Variants in P2RY10 observed in about 807,000 individuals in gnomAD.
The protein encoded by P2RY10 is putative P2Y purinoceptor 10.
In P2RY10, 4 loss-of-function variants were observed where a neutral mutation model predicts 12.1. The observed-to-expected ratio is 0.33, with a 90% confidence interval of 0.16 to 0.76. The LOEUF is 0.76. Ranked by LOEUF, P2RY10 falls within the 30% of genes least tolerant of loss-of-function variation. P2RY10 has a pLI of 0.61. For missense variants in P2RY10, 233 were observed against 264.6 expected (o/e 0.88, Z 0.83); for synonymous variants, 112 against 94.1 (o/e 1.19, Z -1.10).
chrX:78,956,858 C>T (rs183491216), intron 3 of P2RY10, among the ~76,000 whole-genome samples: 1 of 111,478 alleles, frequency 9.0e-6, no homozygotes, highest in African/African-American at 3.3e-5. Context: ...AGTGTTTAGC[C>T]TGTAAATAAA....
chrX:78,954,528 A>C (rs1349233986), intron 3 of P2RY10, among the ~76,000 whole-genome samples: 1 of 112,253 alleles, frequency 8.9e-6, no homozygotes, highest in Non-Finnish European at 1.9e-5. Flanking sequence ...CTGCTTATTA[A>C]AAAATTGACT....
rs1325764519 is a variant in P2RY10 at position 78,961,911 on chromosome X, A to G, written c.*371A>G. On this transcript the variant is annotated 3_prime_UTR_variant, in exon 4 of 4. Transcript: ENST00000171757. ...GAATTTTTCCTAGATGTAAAAAAAA[A>G]AATCTTTCATATAAAGACCTTAAAT... 6.6e-5 allele frequency: 9 copies of G among 135,879 alleles called. No homozygotes were observed. The highest frequency in any genetic ancestry group is 1.4e-4 in the Non-Finnish European group (9 of 62,200). 11.2% of individuals were successfully genotyped at this position (135,879 alleles called of 1,213,427 possible). A position where few individuals can be genotyped will look rare whatever the true frequency, so the allele number is the denominator to read the frequency against.
Position 78,962,819 on chromosome X carries a change from C to G in P2RY10, c.*1279C>G, listed in dbSNP as rs1165907965. On this transcript the variant is annotated 3_prime_UTR_variant, in exon 4 of 4. Transcript: ENST00000171757. ...GTGGAGTGATAAACATTCTATAAAA[C>G]CTGGAAATTTGTGTGGAGTTCGCCT... Among the ~76,000 whole-genome samples the G allele has an allele frequency of 9.0e-6, 1 of 110,513 alleles. No homozygotes were observed. Among genetic ancestry groups the G allele is most frequent in the Non-Finnish European group, 1.9e-5 (1 of 52,788 alleles).
chrX:78,952,043 G>T, intron 2 of P2RY10, 150 bp from the exon 3 acceptor site: 2 of 150,025 alleles, frequency 1.3e-5, no homozygotes, highest in Non-Finnish European at 2.3e-5. Flanking sequence ...GCATTAGATT[G>T]CTAAGGATAA....
chrX:78,957,557 T>C (rs1016225704), intron 3 of P2RY10, among the ~76,000 whole-genome samples: 1 of 111,185 alleles, frequency 9.0e-6, no homozygotes, highest in Non-Finnish European at 1.9e-5. Flanking sequence ...AAGCTAAGTG[T>C]TCCCTCTAAG....
At chrX:78,948,921 G>T (rs1375887117) in intron 2 of P2RY10, among the ~76,000 whole-genome samples, 1 of 111,824 alleles carries the variant, frequency 8.9e-6, no homozygotes, top group Non-Finnish European at 1.9e-5. Context: ...TAGTAGGATT[G>T]CTGTATCAAA....
At chrX:78,951,540 T>C (rs1229867803) in intron 2 of P2RY10, among the ~76,000 whole-genome samples, 1 of 111,055 alleles carries the variant, frequency 9.0e-6, no homozygotes, top group African/African-American at 3.3e-5. Context: ...TCAGTAGGTG[T>C]TCGAAGAAGA....
intron 2 of P2RY10, among the ~76,000 whole-genome samples, chrX:78,951,973 T>C (rs959127640): frequency 2.7e-5 from 3 of 111,777 alleles, no homozygotes; most frequent in Non-Finnish European, 5.6e-5. Context: ...TGTCCATGTG[T>C]TCCCATCATT....
chrX:78,945,846 G>A (rs145270136), intron 1 of P2RY10, among the ~76,000 whole-genome samples: 7,771 of 111,547 alleles, frequency 0.07, 197 homozygotes, highest in Middle Eastern at 0.18. Flanking sequence ...TGACATATTC[G>A]GCCAATAAAA....
chrX:78,951,321 A>G (rs1382750656), intron 2 of P2RY10, among the ~76,000 whole-genome samples: 1 of 112,316 alleles, frequency 8.9e-6, no homozygotes, highest in African/African-American at 3.2e-5. Context: ...TGCCTTCTTT[A>G]AAGCTCTTAG....
intron 2 of P2RY10, among the ~76,000 whole-genome samples, chrX:78,951,902 T>G (rs1358810736): frequency 9.0e-6 from 1 of 111,610 alleles, no homozygotes; most frequent in Admixed American, 9.5e-5. Context: ...CTATTCTTCC[T>G]GATGCTCTCT....
intron 2 of P2RY10, among the ~76,000 whole-genome samples, chrX:78,951,126 T>G (rs765464604): frequency 8.9e-6 from 1 of 111,770 alleles, no homozygotes; most frequent in Non-Finnish European, 1.9e-5. Flanking sequence ...CAGCTGCTTT[T>G]GGGTAGATGG....
chrX:78,960,402 T>C, intron 3 of P2RY10, 106 bp from the exon 4 acceptor site: 1 of 591,837 alleles, frequency 1.7e-6, no homozygotes, highest in South Asian at 3.2e-5. Flanking sequence ...ACATGTCTCT[T>C]CTAATTCTAA....
intron 3 of P2RY10, among the ~76,000 whole-genome samples, chrX:78,957,387 C>CACACACACACACACACACACACAG (rs760263078): frequency 1.3e-5 from 1 of 75,811 alleles, no homozygotes; most frequent in African/African-American, 4.7e-5. Flanking sequence ...CACACACACA[C>CACACACACACACACACACACACAG]AGAGAGAGAG....
intron 1 of P2RY10, among the ~76,000 whole-genome samples, chrX:78,946,027 C>G (rs993688447): frequency 1.5e-4 from 17 of 111,455 alleles, no homozygotes; most frequent in Non-Finnish European, 3.2e-4. Flanking sequence ...GATCCAAATC[C>G]CTCACAATAC....
At position 78,962,947 on chromosome X, in the gene P2RY10, TAGAAAC is replaced by T. The variant is rs1317720604; in HGVS notation, c.*1413_*1418del. On this transcript the variant is annotated 3_prime_UTR_variant, in exon 4 of 4. Transcript: ENST00000171757. ...TGAGCGTAATTGACAATATCTGCAT[TAGAAAC>T]AGAAAGTATTATCCATCATAAATAT... is the stretch of plus-strand genomic sequence containing the variant. 5.3e-5 allele frequency among the ~76,000 whole-genome samples: 6 copies of T among 112,399 alleles called. No homozygotes were observed. The highest frequency in any genetic ancestry group is 4.7e-4 in the Admixed American group (5 of 10,596).
rs1174214931 is a variant in P2RY10 at position 78,961,038 on chromosome X, C to T, written c.518C>T (p.Thr173Ile). ...ACLPFPILRS[T>I]DLNNNKSCFA... The stretch of plus-strand genomic sequence containing the variant: ...TTGCCATTTCCCATCCTGAGAAGCA[C>T]AGACTTAAACAACAACAAGTCCTGC... Residue 173 changes from threonine (T) to isoleucine (I), a missense_variant, in exon 4 of 4, where the codon ACA becomes ATA. Physicochemically the swap from Thr to Ile is moderately conservative, Grantham distance 89. Coordinates refer to ENST00000171757, the MANE Select transcript of P2RY10 (RefSeq NM_014499.4). 1.7e-6 allele frequency: 2 copies of T among 1,211,552 alleles called. No individual in the cohort carries two copies. The highest frequency in any genetic ancestry group is 3.0e-5 in the East Asian group (1 of 33,825).
At position 78,952,280 on chromosome X, in the gene P2RY10, G is replaced by C; in HGVS notation, c.-69G>C. 2 of 751,018 alleles carry C rather than the reference G, an allele frequency of 2.7e-6. No individual in the cohort carries two copies. The highest frequency in any genetic ancestry group is 3.1e-6 in the Non-Finnish European group (2 of 636,554). 61.9% of individuals were successfully genotyped at this position (751,018 alleles called of 1,213,427 possible). ...AAGTGAAAAGGCATCTCTTTTAATGGTCCTGACCTTTGGAATAGGAAGCAT... is the reference window on the plus strand; with the variant it reads ...AAGTGAAAAGGCATCTCTTTTAATGCTCCTGACCTTTGGAATAGGAAGCAT... On this transcript the variant is annotated 5_prime_UTR_variant, in exon 3 of 4. Transcript: ENST00000171757.
intron 3 of P2RY10, among the ~76,000 whole-genome samples, chrX:78,958,832 A>G (rs1922467305): frequency 8.9e-6 from 1 of 111,735 alleles, no homozygotes; most frequent in Admixed American, 9.5e-5. Context: ...ATGGAATAGA[A>G]TGGGGGAAAG....
Sources: allele counts gnomAD v4.1 joint callset (sites outside exome capture counted in the v4.1 genomes callset), GRCh38; gene constraint gnomAD v4.1.1; transcripts MANE v1.5; gene names NCBI Gene and HGNC (gene_info 2026-07-23, HGNC 2026-07-21).